TBL1Y: variants seen among roughly 807,000 people sequenced by gnomAD.
TBL1Y encodes F-box-like/WD repeat-containing protein TBL1Y.
In TBL1Y, 15 loss-of-function variants were observed where a neutral mutation model predicts 12.0. The ratio of observed to expected loss-of-function variants is 1.25; its 90% CI spans 0.83 to 1.92. The LOEUF (loss-of-function observed/expected upper bound fraction) is 1.92. Among genes scored for constraint, TBL1Y ranks in the 40% most tolerant of loss-of-function variants. The probability of loss-of-function intolerance (pLI) is 0.00; values close to 1 mark genes in which losing one functional copy is unlikely to be tolerated. For missense variants in TBL1Y, 148 were observed against 116.7 expected, an observed-to-expected ratio of 1.27 and a Z score of -1.24; for synonymous variants, 53 against 42.6, an observed-to-expected ratio of 1.24 and a Z score of -0.95.
At chrY:6,980,158 T>C (rs982187544) in intron 3 of TBL1Y, among the ~76,000 whole-genome samples, 11 of 33,781 alleles carry the variant, frequency 3.3e-4, no homozygotes, top group African/African-American at 1.0e-3. Context: ...ATATGAAAGC[T>C]GTATTGAAAA....
chrY:7,055,146 A>C, intron 7 of TBL1Y, among the ~76,000 whole-genome samples: 1 of 34,327 alleles, frequency 2.9e-5, no homozygotes, highest in African/African-American at 1.1e-4. Flanking sequence ...AATGGAGATG[A>C]AGAAGTAAAG....
chrY:7,017,218 C>T, intron 4 of TBL1Y, among the ~76,000 whole-genome samples: 1 of 33,032 alleles, frequency 3.0e-5, no homozygotes, highest in Non-Finnish European at 7.4e-5. Context: ...GCCTGGAGTT[C>T]GAGACCAACC....
At chrY:7,080,470 C>G in intron 13 of TBL1Y, among the ~76,000 whole-genome samples, 1 of 32,573 alleles carries the variant, frequency 3.1e-5, no homozygotes, top group Non-Finnish European at 7.5e-5. Context: ...CACCTGTAGT[C>G]CCAGCTACTC....
chrY:7,029,270 G>T, intron 6 of TBL1Y, among the ~76,000 whole-genome samples: 1 of 32,859 alleles, frequency 3.0e-5, no homozygotes, highest in Non-Finnish European at 7.5e-5. Flanking sequence ...TGTGTGAAAA[G>T]ATTTTTTGTT....
intron 2 of TBL1Y, among the ~76,000 whole-genome samples, chrY:6,956,033 G>T (rs2124112746): frequency 3.0e-5 from 1 of 33,487 alleles, no homozygotes; most frequent in East Asian, 7.8e-4. Context: ...AGTCTTTCTA[G>T]AAATTTTGAA....
At chrY:6,913,504 G>C (rs2011713058) in intron 2 of TBL1Y, among the ~76,000 whole-genome samples, 1 of 32,754 alleles carries the variant, frequency 3.1e-5, no homozygotes, top group Non-Finnish European at 7.4e-5. Context: ...AGGTATGTTT[G>C]AGAGAAAACT....
Position 6,969,005 on chromosome Y carries a change from G to A in TBL1Y, c.-265-9208G>A. 2.8e-4 allele frequency among the ~76,000 whole-genome samples: 9 copies of A among 32,376 alleles called. No individual in the cohort carries two copies. In the South Asian group the frequency reaches 3.6e-3, roughly 13 times the overall value. The allele number at this position is 32,376 out of a possible 37,273, so 86.9% of individuals were successfully genotyped here. On this transcript the variant is annotated intron_variant, in intron 2 of 18. Transcript: ENST00000383032. ...GCAGACAGAACCCAAGTAAAGAAAG[G>A]CATAGTGATGGTAGGTATTTATGCA...
chrY:6,986,604 C>T (rs2012318943), intron 3 of TBL1Y, among the ~76,000 whole-genome samples: 1 of 31,839 alleles, frequency 3.1e-5, no homozygotes, highest in African/African-American at 1.2e-4. Context: ...CAGGCCTCTG[C>T]GGAGGCATCT....
At chrY:7,010,658 G>A in intron 4 of TBL1Y, among the ~76,000 whole-genome samples, 1 of 33,992 alleles carries the variant, frequency 2.9e-5, no homozygotes, top group Non-Finnish European at 7.3e-5. Context: ...TGATATGGCT[G>A]GGCATGGTGG....
intron 7 of TBL1Y, among the ~76,000 whole-genome samples, chrY:7,054,637 C>T: frequency 8.8e-5 from 3 of 34,187 alleles, no homozygotes; most frequent in Non-Finnish European, 7.3e-5. Context: ...TTCCATCCCT[C>T]CAGATCTGGC....
intron 8 of TBL1Y, among the ~76,000 whole-genome samples, chrY:7,064,491 G>A (rs2124178425): frequency 1.5e-4 from 5 of 33,658 alleles, no homozygotes; most frequent in Admixed American, 8.0e-4. Flanking sequence ...CATGTTGAGT[G>A]TTTTTGGCCA....
chrY:7,074,237 C>T, intron 12 of TBL1Y, among the ~76,000 whole-genome samples: 3 of 33,370 alleles, frequency 9.0e-5, no homozygotes, highest in Non-Finnish European at 2.2e-4. Flanking sequence ...TGAAACATGG[C>T]GTGCTTCAAA....
chrY:6,980,957 G>C, intron 3 of TBL1Y, among the ~76,000 whole-genome samples: 1 of 33,664 alleles, frequency 3.0e-5, no homozygotes, highest in Non-Finnish European at 7.3e-5. Context: ...ATGTTCAGTA[G>C]CCACTTGTGT....
intron 13 of TBL1Y, among the ~76,000 whole-genome samples, chrY:7,077,475 G>T: frequency 3.0e-5 from 1 of 33,532 alleles, no homozygotes; most frequent in Admixed American, 2.7e-4. Flanking sequence ...ATCAAGTGCT[G>T]GTCACCATCT....
intron 6 of TBL1Y, among the ~76,000 whole-genome samples, chrY:7,036,991 C>T: frequency 6.0e-5 from 2 of 33,544 alleles, no homozygotes; most frequent in South Asian, 1.3e-3. Context: ...TGCCTGATGC[C>T]GAGAATGCAC....
chrY:6,944,548 A>G (rs2011972276), intron 2 of TBL1Y, among the ~76,000 whole-genome samples: 1 of 33,226 alleles, frequency 3.0e-5, no homozygotes, highest in Non-Finnish European at 7.4e-5. Context: ...GAAACTCCAT[A>G]CCTGCTACCT....
At chrY:7,059,809 T>G in intron 7 of TBL1Y, among the ~76,000 whole-genome samples, 1 of 33,641 alleles carries the variant, frequency 3.0e-5, no homozygotes, top group East Asian at 7.7e-4. Context: ...TATTTGACAG[T>G]GCTTCCTGTA....
intron 4 of TBL1Y, among the ~76,000 whole-genome samples, chrY:7,001,702 G>A: frequency 2.9e-5 from 1 of 34,206 alleles, no homozygotes; most frequent in Admixed American, 2.6e-4. Context: ...AGAATGACTG[G>A]AGGTTTTTAA....
At chrY:7,074,330 C>G (rs2013049280) in intron 12 of TBL1Y, among the ~76,000 whole-genome samples, 1 of 32,527 alleles carries the variant, frequency 3.1e-5, no homozygotes, top group African/African-American at 1.2e-4. Flanking sequence ...TTATTTTAGG[C>G]GTATGGGAGT....
Sources: allele counts gnomAD v4.1 joint callset (sites outside exome capture counted in the v4.1 genomes callset), GRCh38; gene constraint gnomAD v4.1.1; transcripts MANE v1.5; gene names NCBI Gene and HGNC (gene_info 2026-07-23, HGNC 2026-07-21).